TENM3: variants seen among roughly 807,000 people sequenced by gnomAD.
TENM3 encodes the protein teneurin transmembrane protein 3.
A neutral mutation model predicts 255.1 loss-of-function variants in TENM3; 63 were observed. The ratio of observed to expected loss-of-function variants is 0.25; its 90% CI spans 0.20 to 0.30. TENM3 has a LOEUF of 0.30. TENM3 is among the 10% of genes least tolerant of loss of function. TENM3 has a pLI of 1.00. For synonymous variants in TENM3, 1,306 were observed against 1,322.3 expected (o/e 0.99, Z 0.27); for missense variants, 2,929 against 3,461.1 (o/e 0.85, Z 3.86).
At chr4:182,244,114 C>A (rs1289256158) in intron 1 of TENM3, among the ~76,000 whole-genome samples, 2 of 151,494 alleles carry the variant, frequency 1.3e-5, no homozygotes, top group Admixed American at 6.6e-5. Flanking sequence ...CCACCACGCC[C>A]GGCTAATTTT....
intron 1 of TENM3, among the ~76,000 whole-genome samples, chr4:182,307,923 C>T (rs1278302569): frequency 6.6e-6 from 1 of 152,258 alleles, no homozygotes; most frequent in Non-Finnish European, 1.5e-5. Flanking sequence ...AACTGCCTTG[C>T]TCTCTGTGCC....
At chr4:182,137,261 C>T in the TENM3 span, among the ~76,000 whole-genome samples, 1 of 152,004 alleles carries the variant, frequency 6.6e-6, no homozygotes. Flanking sequence ...CAGGAAAGTT[C>T]CCATGAGTGA....
intron 3 of TENM3, among the ~76,000 whole-genome samples, chr4:182,529,947 T>A (rs1309808280): frequency 6.6e-6 from 1 of 152,160 alleles, no homozygotes; most frequent in Non-Finnish European, 1.5e-5. Context: ...TCCTTGCCAG[T>A]GGGTTTTTAT....
At chr4:181,965,503 C>T in the TENM3 span, among the ~76,000 whole-genome samples, 5 of 152,122 alleles carry the variant, frequency 3.3e-5, no homozygotes, top group Admixed American at 1.3e-4. Flanking sequence ...CCAAATAAAG[C>T]TCTCACAGAT....
At chr4:181,809,508 G>A in the TENM3 span, among the ~76,000 whole-genome samples, 8 of 152,048 alleles carry the variant, frequency 5.3e-5, no homozygotes, top group Non-Finnish European at 5.9e-5. Flanking sequence ...ACCTACTTAC[G>A]GAGTTGGACA....
chr4:181,568,165 T>A, the TENM3 span, among the ~76,000 whole-genome samples: 1 of 140,256 alleles, frequency 7.1e-6, no homozygotes, highest in African/African-American at 3.0e-5. Flanking sequence ...ACTAATACTT[T>A]TTTTTTTTTT....
the TENM3 span, among the ~76,000 whole-genome samples, chr4:181,519,327 AT>A: frequency 3.8e-4 from 58 of 152,364 alleles, no homozygotes; most frequent in African/African-American, 1.2e-3. Context: ...ATGAATAAAG[AT>A]TTCCAAATGT....
intron 3 of TENM3, among the ~76,000 whole-genome samples, chr4:182,473,566 G>A (rs1037797974): frequency 6.6e-6 from 1 of 152,060 alleles, no homozygotes; most frequent in Non-Finnish European, 1.5e-5. Context: ...CCAGCTACTC[G>A]GGAGGCTGAG....
the TENM3 span, among the ~76,000 whole-genome samples, chr4:181,744,775 A>G: frequency 2.0e-5 from 3 of 152,206 alleles, no homozygotes; most frequent in African/African-American, 7.2e-5. Context: ...TTGGTATGAG[A>G]TGAGAGATCA....
At chr4:182,631,912 C>T (rs1407700141) in intron 5 of TENM3, among the ~76,000 whole-genome samples, 1 of 152,090 alleles carries the variant, frequency 6.6e-6, no homozygotes, top group Non-Finnish European at 1.5e-5. Context: ...TCAGGATAGA[C>T]AAGGTGAACA....
chr4:181,670,292 G>C, the TENM3 span, among the ~76,000 whole-genome samples: 1 of 152,160 alleles, frequency 6.6e-6, no homozygotes, highest in African/African-American at 2.4e-5. Context: ...TAGTCCCATT[G>C]TGGTAAAAGT....
chr4:182,442,431 G>A (rs1020945243), intron 3 of TENM3, among the ~76,000 whole-genome samples: 4 of 152,116 alleles, frequency 2.6e-5, no homozygotes, highest in Non-Finnish European at 5.9e-5. Context: ...ATCTATGCAC[G>A]GCTATTGCCA....
At chr4:181,964,729 G>C in the TENM3 span, among the ~76,000 whole-genome samples, 1 of 152,140 alleles carries the variant, frequency 6.6e-6, no homozygotes, top group African/African-American at 2.4e-5. Context: ...TACCAGCAGG[G>C]ATTCGGTTAT....
Position 182,741,009 on chromosome 4 carries a change from C to T in TENM3, c.3380-2161C>T, listed in dbSNP as rs543167183. ...CTGGCAACATGGTGGAACCCCGTGT[C>T]TACTAAAAATACAAAAATTAGCCAG... is the stretch of plus-strand genomic sequence containing the variant. On this transcript the variant is annotated intron_variant, in intron 18 of 27. Coordinates refer to ENST00000511685, the MANE Select transcript of TENM3 (RefSeq NM_001080477.4). Among the ~76,000 whole-genome samples the T allele has an allele frequency of 6.7e-4, 102 of 152,122 alleles. 1 individual carries two copies. In the South Asian group the frequency reaches 0.021, roughly 31 times the overall value.
intron 2 of TENM3, among the ~76,000 whole-genome samples, chr4:182,331,995 G>A (rs1353313385): frequency 6.6e-6 from 1 of 152,088 alleles, no homozygotes; most frequent in African/African-American, 2.4e-5. Flanking sequence ...GAAAATTTCA[G>A]CTAAGGTATA....
the TENM3 span, among the ~76,000 whole-genome samples, chr4:181,966,961 C>T: frequency 6.6e-6 from 1 of 152,184 alleles, no homozygotes; most frequent in East Asian, 1.9e-4. Flanking sequence ...TCCTTCTTCT[C>T]TCCCTCCCCT....
chr4:182,137,478 T>A, the TENM3 span, among the ~76,000 whole-genome samples: 1 of 152,230 alleles, frequency 6.6e-6, no homozygotes, highest in Admixed American at 6.5e-5. Flanking sequence ...CTGCTAAGGA[T>A]AATACAGATC....
chr4:182,655,509 A>G (rs1753675903), intron 6 of TENM3, among the ~76,000 whole-genome samples: 1 of 152,180 alleles, frequency 6.6e-6, no homozygotes, highest in African/African-American at 2.4e-5. Context: ...GTATTTTGCC[A>G]GGGAATACCT....
the TENM3 span, among the ~76,000 whole-genome samples, chr4:181,896,709 G>A: frequency 8.5e-5 from 13 of 152,134 alleles, no homozygotes; most frequent in South Asian, 4.1e-4. Flanking sequence ...CCTTCTCTTC[G>A]TTGCTACAGC....
Sources: allele counts gnomAD v4.1 joint callset (sites outside exome capture counted in the v4.1 genomes callset), GRCh38; gene constraint gnomAD v4.1.1; transcripts MANE v1.5; gene names NCBI Gene and HGNC (gene_info 2026-07-23, HGNC 2026-07-21).